The following UTP20 variants were observed in gnomAD, a reference collection of about 807,000 sequenced individuals.
UTP20 encodes the protein small subunit processome component 20 homolog.
Under a neutral mutation model 329.5 loss-of-function variants are expected in UTP20, and 164 were observed. The observed-to-expected ratio is 0.50, with a 90% confidence interval of 0.44 to 0.57. UTP20 has a LOEUF of 0.57. UTP20 is among the 20% of genes least tolerant of loss of function. The pLI is 0.00. For missense variants in UTP20, 3,055 were observed against 3,284.2 expected (o/e 0.93, Z 1.71); for synonymous variants, 1,151 against 1,159.3 (o/e 0.99, Z 0.14).
intron 32 of UTP20, among the ~76,000 whole-genome samples, chr12:101,341,511 G>A (rs1217840032): frequency 2.0e-5 from 3 of 152,178 alleles, no homozygotes; most frequent in Non-Finnish European, 4.4e-5. Flanking sequence ...AACCAGAAAT[G>A]TATACAGTTG....
intron 40 of UTP20, among the ~76,000 whole-genome samples, chr12:101,354,261 C>CAAAAAAAAAAAAAA (rs71091489): frequency 1.2e-5 from 1 of 80,010 alleles, no homozygotes; most frequent in African/African-American, 3.8e-5. Flanking sequence ...GACTCTGTCT[C>CAAAAAAAAAAAAAA]AAAAAAAAAA....
chr12:101,324,143 AT>A (rs1350661618), intron 25 of UTP20, among the ~76,000 whole-genome samples: 4 of 131,592 alleles, frequency 3.0e-5, no homozygotes, highest in African/African-American at 1.0e-4. Context: ...TCTCAAAAAA[AT>A]AAAAAAATAA....
intron 60 of UTP20, among the ~76,000 whole-genome samples, chr12:101,384,285 T>G (rs1353773559): frequency 6.6e-6 from 1 of 152,256 alleles, no homozygotes; most frequent in Admixed American, 6.5e-5. Context: ...CTCACGCCTG[T>G]AATCCCACAC....
intron 21 of UTP20, among the ~76,000 whole-genome samples, chr12:101,313,634 A>G (rs1248478327): frequency 6.6e-6 from 1 of 152,024 alleles, no homozygotes; most frequent in Non-Finnish European, 1.5e-5. Context: ...AATGATTTCA[A>G]TTCGATAAGA....
intron 17 of UTP20, 84 bp downstream of exon 17, chr12:101,306,845 A>C (rs909500925): frequency 2.3e-6 from 3 of 1,323,952 alleles, no homozygotes; most frequent in Non-Finnish European, 3.1e-6. Flanking sequence ...ACCTTTGCAG[A>C]AAATTAACAC....
intron 32 of UTP20, among the ~76,000 whole-genome samples, chr12:101,342,066 TTA>T (rs889976394): frequency 3.9e-5 from 6 of 152,264 alleles, no homozygotes; most frequent in African/African-American, 1.4e-4. Context: ...CCATGCCTTT[TTA>T]TATAAGGGAC....
At chr12:101,361,891 C>A in intron 43 of UTP20, 71 bp from the exon 44 acceptor site, 1 of 1,210,362 alleles carries the variant, frequency 8.3e-7, no homozygotes, top group Non-Finnish European at 1.2e-6. Context: ...CTTTGCAGTG[C>A]TTCCTAGATC....
In UTP20 at chr12:101,285,612, G is replaced by A. The variant is rs1171081345; in HGVS notation, c.169G>A (p.Glu57Lys). 6.2e-7 allele frequency: 1 copy of A among 1,613,784 alleles called. No individual in the cohort carries two copies. Reference sequence around the variant, plus strand: ...TTTTGAGGGTCTGCTGAAATGGAGAGAATTAAACCTCACAGAACACTTCGG... The same window carrying A: ...TTTTGAGGGTCTGCTGAAATGGAGAAAATTAAACCTCACAGAACACTTCGG... Reference protein sequence around the residue: ...YFFEGLLKWRELNLTEHFGKF... With the variant: ...YFFEGLLKWRKLNLTEHFGKF... Residue 57 changes from glutamate (E) to lysine (K), a missense_variant, in exon 3 of 62, where the codon GAA (glutamate) becomes AAA (lysine). Coordinates refer to ENST00000261637, the MANE Select transcript of UTP20 (RefSeq NM_014503.3).
Position 101,383,640 on chromosome 12 carries a change from G to C in UTP20, c.8027G>C (p.Arg2676Pro). 6.2e-7 allele frequency: 1 copy of C among 1,613,272 alleles called. No homozygotes were observed. Among genetic ancestry groups the C allele is most frequent in the South Asian group, 1.1e-5 (1 of 90,974 alleles). ...YLPMIIAPLF[R>P]ELNSTYSEQD... ...CCAATGATCATAGCTCCTTTGTTTC[G>C]GGAACTCAACAGCACCTATTCAGAG... Residue 2676 changes from arginine (R) to proline (P), a missense_variant, in exon 60 of 62, where the codon CGG becomes CCG. Physicochemically the swap from Arg to Pro is moderately radical, Grantham distance 103. Transcript: ENST00000261637.
chr12:101,329,560 T>C, intron 27 of UTP20, 111 bp downstream of exon 27: 4 of 1,135,690 alleles, frequency 3.5e-6, no homozygotes, highest in Non-Finnish European at 4.9e-6. Context: ...ATTTCAAGTT[T>C]GATCCCAGAA....
intron 35 of UTP20, 101 bp downstream of exon 35, chr12:101,343,194 G>C (rs1413836288): frequency 8.0e-6 from 6 of 747,462 alleles, no homozygotes; most frequent in African/African-American, 1.8e-5. Flanking sequence ...TTTGAGGGGG[G>C]ACAAAGGTTT....
In UTP20 at chr12:101,280,319, A is replaced by C; in HGVS notation, c.37A>C (p.Thr13Pro). ...GCCCGTTTCCCACAAGACCGAGAAC[A>C]CCTACCGGGTGAGCGCGGGAGCTTA... ...TKPVSHKTEN[T>P]YRFLTFAERL... Residue 13 changes from threonine (T) to proline (P), a missense_variant, in exon 1 of 62, where the codon ACC becomes CCC. This residue lies in a region of UTP20 where 2,445 missense variants were observed against 2,575.5 expected (regional missense o/e 0.95). Coordinates refer to ENST00000261637, the MANE Select transcript of UTP20 (RefSeq NM_014503.3). 6.4e-7 allele frequency: 1 copy of C among 1,551,664 alleles called. No homozygotes were observed. Among genetic ancestry groups the C allele is most frequent in the African/African-American group, 1.4e-5 (1 of 73,156 alleles).
intron 57 of UTP20, among the ~76,000 whole-genome samples, chr12:101,379,892 T>A (rs1008060868): frequency 1.3e-5 from 2 of 151,780 alleles, no homozygotes; most frequent in African/African-American, 2.4e-5. Context: ...TGATCTCGGG[T>A]CACTGCAACC....
At position 101,285,801 on chromosome 12, in the gene UTP20, G is replaced by A. The variant is rs17031227; in HGVS notation, c.246G>A (p.Val82=). Residue 82 remains valine, a synonymous_variant, in exon 4 of 62, where the codon GTG becomes GTA. Transcript: ENST00000261637. ...AATGCCAATCATTCAATCAGTTGGTGTATCACCAAAACGAGATAGTTCAGA... is the reference window on the plus strand; with the variant it reads ...AATGCCAATCATTCAATCAGTTGGTATATCACCAAAACGAGATAGTTCAGA... ...IDKCQSFNQL[V]YHQNEIVQSL... 1.5e-3 allele frequency: 2,485 copies of A among 1,613,792 alleles called. 35 individuals are homozygous for A. In the African/African-American group the frequency reaches 0.03, roughly 20 times the overall value.
intron 40 of UTP20, 109 bp downstream of exon 40, chr12:101,353,238 C>T: frequency 1.6e-6 from 1 of 627,220 alleles, no homozygotes; most frequent in Non-Finnish European, 2.6e-6. Context: ...TCTGCTCTTA[C>T]TAGCAATGGA....
intron 32 of UTP20, 74 bp from the exon 33 acceptor site, chr12:101,342,372 A>G: frequency 1.7e-6 from 2 of 1,209,310 alleles, no homozygotes; most frequent in Middle Eastern, 2.3e-4. Context: ...TTTCTATGCT[A>G]TAATATATTA....
At chr12:101,285,977 C>T in intron 4 of UTP20, 96 bp downstream of exon 4, 2 of 1,484,556 alleles carry the variant, frequency 1.3e-6, no homozygotes, top group Non-Finnish European at 9.0e-7. Context: ...ATCAGGTGCT[C>T]ATAATTTAGA....
chr12:101,328,583 G>A (rs569848103), intron 26 of UTP20, among the ~76,000 whole-genome samples: 1 of 152,262 alleles, frequency 6.6e-6, no homozygotes, highest in South Asian at 2.1e-4. Context: ...GTTACCAGAT[G>A]GAGGACCAGG....
chr12:101,321,818 C>T (rs944500611), intron 25 of UTP20, among the ~76,000 whole-genome samples, 189 bp downstream of exon 25: 2 of 152,008 alleles, frequency 1.3e-5, no homozygotes, highest in Non-Finnish European at 2.9e-5. Context: ...GATCACAGCT[C>T]ATTGCAGCCT....
Sources: gnomAD v4.1 joint callset for allele counts (sites outside exome capture counted in the v4.1 genomes callset) on GRCh38, gnomAD v4.1.1 for gene constraint, gnomAD v4.1.1 regional missense constraint, MANE v1.5 for transcripts, NCBI Gene and HGNC (gene_info 2026-07-23, HGNC 2026-07-21) for gene names.